AKR7A2: variants seen among roughly 807,000 people sequenced by gnomAD.
AKR7A2 encodes the protein aflatoxin B1 aldehyde reductase member 2.
A neutral mutation model predicts 37.3 loss-of-function variants in AKR7A2; 29 were observed. The observed-to-expected ratio is 0.78, with a 90% confidence interval of 0.58 to 1.06. The LOEUF (loss-of-function observed/expected upper bound fraction) is 1.06. Ranked by LOEUF, AKR7A2 falls within the 50% of genes least tolerant of loss-of-function variation. The pLI is 0.00. For synonymous variants in AKR7A2, 228 were observed against 217.8 expected, an observed-to-expected ratio of 1.05 and a Z score of -0.41; for missense variants, 529 against 497.9, an observed-to-expected ratio of 1.06 and a Z score of -0.59.
Position 19,307,098 on chromosome 1 carries a change from C to T in AKR7A2, c.692G>A (p.Gly231Asp), listed in dbSNP as rs2093763008. 1 of 1,614,234 alleles carries T rather than the reference C, an allele frequency of 6.2e-7. No individual in the cohort carries two copies. The highest frequency in any genetic ancestry group is 8.5e-7 in the Non-Finnish European group (1 of 1,180,022). The change falls in exon 5 of 7, where the codon GGC (glycine) becomes GAC (aspartate). Residue 231 changes from glycine (G) to aspartate (D), a missense_variant. Transcript: ENST00000235835. ...RFYAYNPLAG[G>D]LLTGKYKYED... ...ATACTTGTACTTGCCAGTCAGCAGG[C>T]CCCCTGCGGGAAGGCAGCAATCAGC... is the stretch of plus-strand genomic sequence containing the variant.
At chr1:19,306,626 G>A (rs2093762066) in intron 5 of AKR7A2, among the ~76,000 whole-genome samples, 1 of 148,748 alleles carries the variant, frequency 6.7e-6, no homozygotes. Context: ...TTTTTTTGTA[G>A]AGACCATGTT....
intron 3 of AKR7A2, chr1:19,307,765 G>A (rs989700488): frequency 6.7e-5 from 33 of 491,892 alleles, no homozygotes; most frequent in Non-Finnish European, 3.0e-5. Context: ...CAAGGAGCTG[G>A]AAAGTACTCG....
At chr1:19,306,886 A>G in intron 5 of AKR7A2, 116 bp downstream of exon 5, 1 of 907,840 alleles carries the variant, frequency 1.1e-6, no homozygotes, top group Non-Finnish European at 1.8e-6. Context: ...GAAGCAATGC[A>G]GGGGAGGAGA....
chr1:19,305,996 A>C (rs1359492942), intron 6 of AKR7A2, 22 bp downstream of exon 6: 1 of 1,613,486 alleles, frequency 6.2e-7, no homozygotes. Flanking sequence ...GAAGAAGCTG[A>C]GCACCCAGGG....
chr1:19,304,063 G>T lies in AKR7A2; in HGVS notation c.*162C>A. On this transcript the variant is annotated 3_prime_UTR_variant, in exon 7 of 7. Coordinates refer to ENST00000235835, the MANE Select transcript of AKR7A2 (RefSeq NM_003689.4). ...TGGGACTCACCCCCCACCTTTCACA[G>T]TGTAAAGTGAATAGGGAGCAAGGCA... 1 of 1,201,430 alleles carries T rather than the reference G, an allele frequency of 8.3e-7. No individual in the cohort carries two copies. Among genetic ancestry groups the T allele is most frequent in the Non-Finnish European group, 1.2e-6 (1 of 830,566 alleles). The allele number at this position is 1,201,430 out of a possible 1,614,324, so 74.4% of individuals were successfully genotyped here.
chr1:19,307,706 T>G, intron 3 of AKR7A2: 1 of 535,310 alleles, frequency 1.9e-6, no homozygotes. Flanking sequence ...TTTAAAAAAA[T>G]AGACAAGGAA....
intron 3 of AKR7A2, 51 bp from the exon 4 acceptor site, chr1:19,307,461 C>G: frequency 6.3e-7 from 1 of 1,594,238 alleles, no homozygotes; most frequent in Non-Finnish European, 8.6e-7. Context: ...AGAGAAGGAA[C>G]TGTTGCCTTC....
intron 6 of AKR7A2, chr1:19,305,311 A>G (rs972805843): frequency 1.3e-5 from 2 of 154,034 alleles, no homozygotes; most frequent in African/African-American, 4.8e-5. Flanking sequence ...GAAGCTGGAG[A>G]TAAGTTTGTT....
chr1:19,307,857 T>C, intron 3 of AKR7A2: 1 of 534,104 alleles, frequency 1.9e-6, no homozygotes, highest in Non-Finnish European at 3.4e-6. Context: ...GAGACCTCTA[T>C]GTAAGGCCTG....
chr1:19,308,232 A>G lies in AKR7A2; in HGVS notation c.517T>C (p.Tyr173His). The G allele has an allele frequency of 6.2e-7, 1 of 1,614,104 alleles. No homozygotes were observed. ...GKFVELGLSNYASWEVAEICT... is the reference protein window; with the variant it reads ...GKFVELGLSNHASWEVAEICT... The stretch of plus-strand genomic sequence containing the variant: ...ATCTCGGCCACTTCCCAGCTAGCAT[A>G]GTTGGAGAGGCCAAGCTCCACGAAC... The change falls in exon 3 of 7, where the codon TAT becomes CAT. Residue 173 changes from tyrosine (Y) to histidine (H), a missense_variant. By Grantham distance (83) the Tyr-to-His change is moderately conservative. Coordinates refer to ENST00000235835, the MANE Select transcript of AKR7A2 (RefSeq NM_003689.4).
chr1:19,307,063 C>T lies in AKR7A2; in HGVS notation c.727G>A (p.Asp243Asn). The change falls in exon 5 of 7, where the codon GAC becomes AAC. Residue 243 changes from aspartate to asparagine, a missense_variant. Physicochemically the swap from Asp to Asn is conservative, Grantham distance 23. Coordinates refer to ENST00000235835, the MANE Select transcript of AKR7A2 (RefSeq NM_003689.4). The part of the protein sequence containing the change: ...LTGKYKYEDK[D>N]GKQPVGRFFG... ...AAGCGGCCCACAGGCTGTTTCCCGT[C>T]CTTGTCCTCATACTTGTACTTGCCA... 1 of 1,614,218 alleles carries T rather than the reference C, an allele frequency of 6.2e-7. No homozygotes were observed. The highest frequency in any genetic ancestry group is 1.1e-5 in the South Asian group (1 of 91,086).
intron 1 of AKR7A2, among the ~76,000 whole-genome samples, chr1:19,308,985 G>C (rs555657990): frequency 6.6e-6 from 1 of 152,278 alleles, no homozygotes; most frequent in Admixed American, 6.5e-5. Flanking sequence ...GCACAGGAGG[G>C]AAAGGCACAC....
At position 19,307,414 on chromosome 1, in the gene AKR7A2, C is replaced by A; in HGVS notation, c.592-4G>T. On this transcript the variant is annotated splice_region_variant and splice_polypyrimidine_tract_variant and intron_variant, in intron 3 of 6. Transcript: ENST00000235835. ...GGGTGGTGGCGTTGTACATGCCCTG[C>A]AGGGAGAGGGACCCCGGGGACAGGG... The A allele has an allele frequency of 6.2e-7, 1 of 1,614,142 alleles. No individual in the cohort carries two copies. Among genetic ancestry groups the A allele is most frequent in the Non-Finnish European group, 8.5e-7 (1 of 1,179,990 alleles).
At chr1:19,311,790 T>C (rs116824369) in intron 1 of AKR7A2, 37 bp downstream of exon 1, 74,316 of 1,609,112 alleles carry the variant, frequency 0.046, 2,039 homozygotes, top group Non-Finnish European at 0.057. Context: ...GGCTCAGCTC[T>C]ACACGATGCA....
chr1:19,311,892 C>T lies in AKR7A2; in HGVS notation c.233G>A (p.Ser78Asn), dbSNP rs1220654507. The T allele has an allele frequency of 6.2e-7, 1 of 1,610,802 alleles. No individual in the cohort carries two copies. Among genetic ancestry groups the T allele is most frequent in the South Asian group, 1.1e-5 (1 of 90,962 alleles). Residue 78 changes from serine (S) to asparagine (N), a missense_variant, in exon 1 of 7, where the codon AGC (serine) becomes AAC (asparagine). By Grantham distance (46) the Ser-to-Asn change is conservative (BLOSUM62 1). Transcript: ENST00000235835. ...CAGGATGGTCTCGGACTGGCCGTCG[C>T]TGTACATGAAGGCCGTGTCCAGTTC... The part of the protein sequence containing the change: ...HTELDTAFMY[S>N]DGQSETILGG...
intron 5 of AKR7A2, 120 bp from the exon 6 acceptor site, chr1:19,306,267 T>A: frequency 7.1e-7 from 1 of 1,417,004 alleles, no homozygotes; most frequent in Non-Finnish European, 9.8e-7. Flanking sequence ...GAGGGGCGGG[T>A]GTCCTCTCTA....
intron 1 of AKR7A2, among the ~76,000 whole-genome samples, chr1:19,310,191 C>G (rs1208144476): frequency 6.6e-6 from 1 of 152,154 alleles, no homozygotes; most frequent in East Asian, 1.9e-4. Context: ...AAGGGTGTCA[C>G]GAGATCAGTT....
intron 2 of AKR7A2, 88 bp from the exon 3 acceptor site, chr1:19,308,350 C>A (rs1229042133): frequency 2.5e-6 from 4 of 1,592,566 alleles, no homozygotes; most frequent in Non-Finnish European, 3.4e-6. Context: ...TGGGGCTATT[C>A]CCTGCCCCAC....
At chr1:19,306,974 A>C in intron 5 of AKR7A2, 28 bp downstream of exon 5, 53 of 1,535,452 alleles carry the variant, frequency 3.5e-5, no homozygotes, top group Middle Eastern at 1.7e-4. Context: ...CACCCCAGCC[A>C]TCCTCACCAA....
Sources: gnomAD v4.1 joint callset for allele counts (sites outside exome capture counted in the v4.1 genomes callset) on GRCh38, gnomAD v4.1.1 for gene constraint, MANE v1.5 for transcripts, NCBI Gene and HGNC (gene_info 2026-07-23, HGNC 2026-07-21) for gene names.